The following ZHX3 variants were observed in gnomAD, a reference collection of about 807,000 sequenced individuals.
ZHX3 encodes the protein zinc fingers and homeoboxes protein 3.
A neutral mutation model predicts 64.5 loss-of-function variants in ZHX3; 20 were observed. That is an observed-to-expected ratio of 0.31 (90% CI 0.22 to 0.45). ZHX3 has a LOEUF of 0.45. Among genes scored for constraint, ZHX3 ranks in the 20% least tolerant of loss-of-function variants. ZHX3 has a pLI of 1.00. For synonymous variants in ZHX3, 423 were observed against 461.6 expected, an observed-to-expected ratio of 0.92 and a Z score of 1.07; for missense variants, 1,041 against 1,195.8, an observed-to-expected ratio of 0.87 and a Z score of 1.91.
chr20:41,271,746 C>T (rs1345041900), intron 1 of ZHX3, among the ~76,000 whole-genome samples: 2 of 152,212 alleles, frequency 1.3e-5, no homozygotes, highest in African/African-American at 4.8e-5. Context: ...CAAGCTCCTC[C>T]TTCGAAAAAC....
intron 1 of ZHX3, among the ~76,000 whole-genome samples, chr20:41,274,438 A>C (rs2043289250): frequency 6.6e-6 from 1 of 152,230 alleles, no homozygotes; most frequent in South Asian, 2.1e-4. Flanking sequence ...GTCAGAGCTT[A>C]AAGTATCAAC....
chr20:41,247,349 T>C (rs149219875), intron 2 of ZHX3, among the ~76,000 whole-genome samples: 2 of 152,148 alleles, frequency 1.3e-5, no homozygotes, highest in Admixed American at 6.5e-5. Context: ...GTGTTCAGAG[T>C]TGGATGAACC....
chr20:41,195,212 G>A lies in ZHX3; in HGVS notation c.2860+6845C>T, dbSNP rs964729752. ...TAGCTCACTATAACCTCAAACTCCT[G>A]GTAAACAATCCTCCCACCCCAGACA... On this transcript the variant is annotated intron_variant, in intron 3 of 3. Transcript: ENST00000683867. The surrounding 1 kb of genome is among the most constrained non-coding windows in gnomAD (Gnocchi z 4.2). Among the ~76,000 whole-genome samples the A allele has an allele frequency of 6.6e-6, 1 of 152,012 alleles. No individual in the cohort carries two copies. The highest frequency in any genetic ancestry group is 1.5e-5 in the Non-Finnish European group (1 of 68,002).
At chr20:41,193,494 A>G (rs1246618468) in intron 3 of ZHX3, among the ~76,000 whole-genome samples, 1 of 152,020 alleles carries the variant, frequency 6.6e-6, no homozygotes, top group Non-Finnish European at 1.5e-5. Context: ...ATTTTTTTAG[A>G]CAGATAGGGT....
intron 1 of ZHX3, among the ~76,000 whole-genome samples, chr20:41,292,842 T>C (rs564513749): frequency 2.6e-5 from 4 of 152,366 alleles, no homozygotes; most frequent in Admixed American, 6.5e-5. Flanking sequence ...AAAAACAGTA[T>C]ACACAACCAC....
At chr20:41,280,744 G>A (rs373170113) in intron 1 of ZHX3, among the ~76,000 whole-genome samples, 1 of 151,932 alleles carries the variant, frequency 6.6e-6, no homozygotes, top group Admixed American at 6.6e-5. Flanking sequence ...CTTCAACAGA[G>A]GTCTGAATAG....
At chr20:41,190,719 G>A (rs1228724305) in intron 3 of ZHX3, among the ~76,000 whole-genome samples, 1 of 152,042 alleles carries the variant, frequency 6.6e-6, no homozygotes, top group African/African-American at 2.4e-5. Context: ...TTTCTTGTAG[G>A]GCCAGTCTAG....
chr20:41,283,072 C>T (rs996280167), intron 1 of ZHX3, among the ~76,000 whole-genome samples: 1 of 152,226 alleles, frequency 6.6e-6, no homozygotes, highest in East Asian at 1.9e-4. Context: ...CCATGCCCAG[C>T]TAATTTTGTA....
At chr20:41,222,101 A>G (rs966600448) in intron 2 of ZHX3, among the ~76,000 whole-genome samples, 1 of 152,240 alleles carries the variant, frequency 6.6e-6, no homozygotes, top group African/African-American at 2.4e-5. Flanking sequence ...ACAGTGGAGA[A>G]GTAGGGAAAC....
chr20:41,268,817 T>TGATCAAAGACTTCAGCAATAAAAAAC (rs2042989178), intron 2 of ZHX3, among the ~76,000 whole-genome samples, 173 bp downstream of exon 2: 1 of 152,210 alleles, frequency 6.6e-6, no homozygotes, highest in Non-Finnish European at 1.5e-5. Flanking sequence ...AAGAATCATT[T>TGATCAAAGACTTCAGCAATAAAAAAC]GATCAAAGAC....
Position 41,232,650 on chromosome 20 carries a change from C to T in ZHX3, c.-150-27584G>A, listed in dbSNP as rs1404563197. ...TGTCGCCCAGGCTGGAGTGCAGTGG[C>T]GCAATCTCGGCTCATTGCAAGCTCC... is the stretch of plus-strand genomic sequence containing the variant. On this transcript the variant is annotated intron_variant, in intron 2 of 3. Transcript: ENST00000683867. This position sits in a 1 kb window ranked among gnomAD's most constrained non-coding sequence, Gnocchi z 5.0. Among the ~76,000 whole-genome samples the T allele has an allele frequency of 4.6e-5, 7 of 151,978 alleles. No homozygotes were observed. Among genetic ancestry groups the T allele is most frequent in the East Asian group, 1.9e-4 (1 of 5,178 alleles).
At chr20:41,291,365 T>G (rs1261104900) in intron 1 of ZHX3, among the ~76,000 whole-genome samples, 1 of 152,158 alleles carries the variant, frequency 6.6e-6, no homozygotes, top group African/African-American at 2.4e-5. Context: ...TGTTGCAGAA[T>G]TAGGATTACG....
At chr20:41,214,115 A>C (rs1244540290) in intron 2 of ZHX3, among the ~76,000 whole-genome samples, 1 of 152,190 alleles carries the variant, frequency 6.6e-6, no homozygotes, top group Non-Finnish European at 1.5e-5. Flanking sequence ...GCCCTAAATT[A>C]TCATTCGAAT....
intron 3 of ZHX3, among the ~76,000 whole-genome samples, chr20:41,186,690 AG>A (rs1247846816): frequency 3.3e-5 from 5 of 152,238 alleles, no homozygotes; most frequent in African/African-American, 1.2e-4. Flanking sequence ...AGCCATCTTA[AG>A]TGTGAAGTGG....
intron 2 of ZHX3, among the ~76,000 whole-genome samples, chr20:41,230,932 G>C (rs1398911079): frequency 6.6e-6 from 1 of 152,030 alleles, no homozygotes; most frequent in Non-Finnish European, 1.5e-5. Flanking sequence ...CTATGGGTTT[G>C]GACAAATTTA....
rs372307314 is a variant in ZHX3, at chr20:41,287,337, G to A, written c.-244-18254C>T. On this transcript the variant is annotated intron_variant, in intron 1 of 3. Transcript: ENST00000683867. ...CTGCTCTATTTTTTCTTTACAGCAT[G>A]TATTACCATTTGACACATTATATTT... is the stretch of plus-strand genomic sequence containing the variant. Among the ~76,000 whole-genome samples the A allele has an allele frequency of 2.0e-5, 3 of 152,042 alleles. No homozygotes were observed. The East Asian group carries it at 5.8e-4, about 29-fold the overall frequency.
chr20:41,291,917 C>G (rs2044262183), intron 1 of ZHX3, among the ~76,000 whole-genome samples: 1 of 149,334 alleles, frequency 6.7e-6, no homozygotes, highest in Non-Finnish European at 1.5e-5. Flanking sequence ...GTGGCGTGCA[C>G]CTGTAATCCC....
In ZHX3 at chr20:41,224,998, T is replaced by C. The variant is rs889369595; in HGVS notation, c.-150-19932A>G. On this transcript the variant is annotated intron_variant, in intron 2 of 3. Transcript: ENST00000683867. The surrounding 1 kb of genome is among the most constrained non-coding windows in gnomAD (Gnocchi z 5.2). ...GCTCTGTAAGTAAGGTCAGGGCCTA[T>C]ATCCACTGTTTCCGTAGCATATAGC... 1.3e-5 allele frequency among the ~76,000 whole-genome samples: 2 copies of C among 152,266 alleles called. No homozygotes were observed. The highest frequency in any genetic ancestry group is 1.9e-4 in the East Asian group (1 of 5,204).
intron 2 of ZHX3, among the ~76,000 whole-genome samples, chr20:41,213,331 G>C (rs1382773865): frequency 6.6e-6 from 1 of 152,162 alleles, no homozygotes; most frequent in African/African-American, 2.4e-5. Context: ...AACCAAGAAA[G>C]GTAGAGGACA....
Sources: allele counts gnomAD v4.1 joint callset (sites outside exome capture counted in the v4.1 genomes callset), GRCh38; gene constraint gnomAD v4.1.1; non-coding constraint Gnocchi (gnomAD v3.1); transcripts MANE v1.5; gene names NCBI Gene and HGNC (gene_info 2026-07-23, HGNC 2026-07-21).